PSMB9: variants seen among roughly 807,000 people sequenced by gnomAD.
PSMB9 encodes proteasome subunit beta type-9.
A neutral mutation model predicts 26.9 loss-of-function variants in PSMB9; 16 were observed. The ratio of observed to expected loss-of-function variants is 0.59; its 90% CI spans 0.40 to 0.90. PSMB9 has a LOEUF of 0.90. Among genes scored for constraint, PSMB9 ranks in the 40% least tolerant of loss-of-function variants. PSMB9 has a pLI of 0.00. For missense variants in PSMB9, 253 were observed against 292.2 expected, an observed-to-expected ratio of 0.87 and a Z score of 0.98; for synonymous variants, 91 against 112.0, an observed-to-expected ratio of 0.81 and a Z score of 1.18.
At chr6:32,855,465 T>G (rs1771112608) in intron 1 of PSMB9, among the ~76,000 whole-genome samples, 1 of 152,192 alleles carries the variant, frequency 6.6e-6, no homozygotes, top group African/African-American at 2.4e-5. Context: ...AATTATCTCT[T>G]GGTACAAATT....
Position 32,858,456 on chromosome 6 carries a change from A to G in PSMB9, c.483A>G (p.Ala161=), listed in dbSNP as rs20547. 78,241 of 1,612,966 alleles carry G rather than the reference A, an allele frequency of 0.049. 3,716 individuals carry two copies. Among genetic ancestry groups the G allele is most frequent in the East Asian group, 0.23 (10,194 of 44,878 alleles). Residue 161 remains alanine (A), a synonymous_variant, in exon 5 of 6, where the codon GCA becomes GCG. Coordinates refer to ENST00000374859, the MANE Select transcript of PSMB9 (RefSeq NM_002800.5). The surrounding 1 kb of genome is among the most constrained non-coding windows in gnomAD (Gnocchi z 5.2). ...TTATCTATGGTTATGTGGATGCAGC[A>G]TATAAGCCAGGCATGTCTCCCGAGG... is the stretch of plus-strand genomic sequence containing the variant. ...STFIYGYVDA[A]YKPGMSPEEC...
In PSMB9 at chr6:32,858,705, C is replaced by T. The variant is rs1771287455; in HGVS notation, c.532+200C>T. The T allele has an allele frequency of 1.5e-6, 1 of 671,202 alleles. No homozygotes were observed. The highest frequency in any genetic ancestry group is 1.8e-5 in the African/African-American group (1 of 55,584). The allele number at this position is 671,202 out of a possible 1,614,324, so 41.6% of individuals were successfully genotyped here. ...GCAATACGGATAAACCAGGGCTGTT[C>T]TGAGTAAATCAAATGAGGATACACA... On this transcript the variant is annotated intron_variant, in intron 5 of 5. Coordinates refer to ENST00000374859, the MANE Select transcript of PSMB9 (RefSeq NM_002800.5). The surrounding 1 kb of genome is among the most constrained non-coding windows in gnomAD (Gnocchi z 5.2).
chr6:32,857,211 A>C lies in PSMB9; in HGVS notation c.129-52A>C, dbSNP rs55928896. 11 of 1,515,036 alleles carry C rather than the reference A, an allele frequency of 7.3e-6. No individual in the cohort carries two copies. The African/African-American group carries it at 1.4e-4, about 19-fold the overall frequency. 93.8% of individuals were successfully genotyped at this position (1,515,036 alleles called of 1,614,324 possible). A position where few individuals can be genotyped will look rare whatever the true frequency, so the allele number is the denominator to read the frequency against. ...GTGAGACTGTCTCAAAAAAAAAAAA[A>C]AAAAAAAAAACCTGAGTTTTAACTT... On this transcript the variant is annotated intron_variant, in intron 2 of 5. Transcript: ENST00000374859.
At chr6:32,856,319 T>C in intron 2 of PSMB9, 114 bp downstream of exon 2, 8 of 1,071,596 alleles carry the variant, frequency 7.5e-6, no homozygotes, top group Non-Finnish European at 1.1e-5. Context: ...GGAATGGAGT[T>C]GACCTTCCCC....
At position 32,859,459 on chromosome 6, in the gene PSMB9, T is replaced by G. The variant is rs2127400592; in HGVS notation, c.587T>G (p.Val196Gly). The G allele has an allele frequency of 6.2e-7, 1 of 1,613,684 alleles. No homozygotes were observed. The highest frequency in any genetic ancestry group is 1.7e-4 in the Middle Eastern group (1 of 6,060). The change falls in exon 6 of 6, where the codon GTC (valine) becomes GGC (glycine). Residue 196 changes from valine to glycine, a missense_variant. Val to Gly is a moderately radical substitution (Grantham distance 109). Transcript: ENST00000374859. ...TCAAGCGGGGGTGTCATCTACCTGG[T>G]CACTATTACAGCTGCCGGTGTGGAC... Reference protein sequence around the residue: ...DGSSGGVIYLVTITAAGVDHR... With the variant: ...DGSSGGVIYLGTITAAGVDHR...
intron 2 of PSMB9, chr6:32,856,628 G>A (rs912439230): frequency 3.0e-5 from 5 of 167,298 alleles, no homozygotes; most frequent in Admixed American, 6.0e-5. Context: ...GAGTATATGG[G>A]GTTAGGTCAA....
In PSMB9 at chr6:32,858,360, C is replaced by G. The variant is rs1771264877; in HGVS notation, c.391-4C>G. 6.2e-7 allele frequency: 1 copy of G among 1,612,736 alleles called. No individual in the cohort carries two copies. Among genetic ancestry groups the G allele is most frequent in the Non-Finnish European group, 8.5e-7 (1 of 1,179,918 alleles). On this transcript the variant is annotated splice_polypyrimidine_tract_variant and splice_region_variant and intron_variant, in intron 4 of 5. Coordinates refer to ENST00000374859, the MANE Select transcript of PSMB9 (RefSeq NM_002800.5). The surrounding 1 kb of genome is among the most constrained non-coding windows in gnomAD (Gnocchi z 5.2). ...ATTCTTTAACCTGAGGATCCCTTTC[C>G]CAGGTATATGGAACCCTGGGAGGAA...
At chr6:32,856,651 T>A (rs1771174015) in intron 2 of PSMB9, 1 of 160,916 alleles carries the variant, frequency 6.2e-6, no homozygotes, top group South Asian at 1.9e-4. Context: ...TTACTGACAT[T>A]ATGTTCCATA....
chr6:32,859,370 C>G (rs1167882157), intron 5 of PSMB9, 35 bp from the exon 6 acceptor site: 3 of 1,576,924 alleles, frequency 1.9e-6, no homozygotes, highest in Non-Finnish European at 2.6e-6. Flanking sequence ...AAGCCATCCT[C>G]TCTCTCCCTC....
intron 5 of PSMB9, among the ~76,000 whole-genome samples, 167 bp from the exon 6 acceptor site, chr6:32,859,238 C>T (rs1255722126): frequency 6.6e-6 from 1 of 152,140 alleles, no homozygotes; most frequent in Non-Finnish European, 1.5e-5. Flanking sequence ...ATATGGAAGC[C>T]TTTTTGTAAA....
rs1397377788 is a variant in PSMB9 at position 32,854,304 on chromosome 6, C to G, written c.60+15C>G. The stretch of plus-strand genomic sequence containing the variant: ...TCCACACCGGGGTAATGGGTCTGGG[C>G]TTGAGGGTTGGCAGAGGGGTGGAGG... On this transcript the variant is annotated intron_variant, in intron 1 of 5. Transcript: ENST00000374859. The surrounding 1 kb of genome is among the most constrained non-coding windows in gnomAD (Gnocchi z 4.6). The G allele has an allele frequency of 6.8e-7, 1 of 1,476,454 alleles. No homozygotes were observed. The highest frequency in any genetic ancestry group is 1.4e-5 in the African/African-American group (1 of 69,038). 91.5% of individuals were successfully genotyped at this position (1,476,454 alleles called of 1,614,324 possible).
intron 3 of PSMB9, chr6:32,857,671 A>G: frequency 1.9e-6 from 1 of 530,186 alleles, no homozygotes; most frequent in Non-Finnish European, 3.3e-6. Flanking sequence ...GAAGAAGGTG[A>G]TATTGTGACC....
In PSMB9 at chr6:32,856,180, G is replaced by A. The variant is rs762179439; in HGVS notation, c.103G>A (p.Gly35Ser). ...AVEFDGGVVM[G>S]SDSRVSAGEA... The stretch of plus-strand genomic sequence containing the variant: ...GGAGTTTGACGGGGGCGTTGTGATG[G>A]GTTCTGATTCCCGAGTGTCTGCAGG... Residue 35 changes from glycine to serine, a missense_variant, in exon 2 of 6, where the codon GGT (glycine) becomes AGT (serine). Coordinates refer to ENST00000374859, the MANE Select transcript of PSMB9 (RefSeq NM_002800.5). 6.2e-6 allele frequency: 10 copies of A among 1,612,984 alleles called. No homozygotes were observed. The highest frequency in any genetic ancestry group is 2.2e-5 in the East Asian group (1 of 44,882).
Position 32,859,653 on chromosome 6 carries a change from C to G in PSMB9, c.*121C>G. ...CTTAGGGGAGGTGGGTGCTTCCCTC[C>G]TAGATGTCAGCATACACTCTTTCTT... On this transcript the variant is annotated 3_prime_UTR_variant, in exon 6 of 6. Transcript: ENST00000374859. 1 of 1,164,916 alleles carries G rather than the reference C, an allele frequency of 8.6e-7. No individual in the cohort carries two copies. Among genetic ancestry groups the G allele is most frequent in the Non-Finnish European group, 1.2e-6 (1 of 826,286 alleles). The allele number at this position is 1,164,916 out of a possible 1,614,324, so 72.2% of individuals were successfully genotyped here.
chr6:32,857,122 C>A, intron 2 of PSMB9, 141 bp from the exon 3 acceptor site: 1 of 873,870 alleles, frequency 1.1e-6, no homozygotes, highest in Non-Finnish European at 1.6e-6. Flanking sequence ...ATCACTTGAA[C>A]CAGGGAGGCG....
intron 3 of PSMB9, 69 bp from the exon 4 acceptor site, chr6:32,857,936 A>T (rs539257827): frequency 6.3e-7 from 1 of 1,588,616 alleles, no homozygotes; most frequent in South Asian, 1.1e-5. Context: ...TTTAGCAGGG[A>T]TGATGGTAAC....
chr6:32,855,050 C>G (rs958038532), intron 1 of PSMB9, among the ~76,000 whole-genome samples: 3 of 152,216 alleles, frequency 2.0e-5, no homozygotes, highest in Admixed American at 2.0e-4. Flanking sequence ...GAAGTTAACC[C>G]TGTTCTTTGA....
intron 1 of PSMB9, among the ~76,000 whole-genome samples, chr6:32,855,594 C>T (rs1367489438): frequency 6.6e-6 from 1 of 152,124 alleles, no homozygotes; most frequent in Non-Finnish European, 1.5e-5. Flanking sequence ...TTGCCCCTGG[C>T]CATGCTAACC....
At position 32,854,387 on chromosome 6, in the gene PSMB9, A is replaced by C; in HGVS notation, c.60+98A>C. 3.4e-6 allele frequency: 4 copies of C among 1,192,724 alleles called. No individual in the cohort carries two copies. The highest frequency in any genetic ancestry group is 4.5e-6 in the Non-Finnish European group (4 of 881,036). 73.9% of individuals were successfully genotyped at this position (1,192,724 alleles called of 1,614,324 possible). A position where few individuals can be genotyped will look rare whatever the true frequency, so the allele number is the denominator to read the frequency against. ...CGCGGAGAAGTGAATGCAGAGACCA[A>C]CGGGAGCGCAGGGAGGTCGCCTGTA... On this transcript the variant is annotated intron_variant, in intron 1 of 5. Transcript: ENST00000374859. This position sits in a 1 kb window ranked among gnomAD's most constrained non-coding sequence, Gnocchi z 4.6.
Sources: allele counts gnomAD v4.1 joint callset (sites outside exome capture counted in the v4.1 genomes callset), GRCh38; gene constraint gnomAD v4.1.1; non-coding constraint Gnocchi (gnomAD v3.1); transcripts MANE v1.5; gene names NCBI Gene and HGNC (gene_info 2026-07-23, HGNC 2026-07-21).